Variants in SPACA7 observed in about 807,000 individuals in gnomAD.
SPACA7 encodes sperm acrosome-associated protein 7.
In SPACA7, 19 loss-of-function variants were observed where a neutral mutation model predicts 26.3. The ratio of observed to expected loss-of-function variants is 0.72; its 90% CI spans 0.50 to 1.06. SPACA7 has a LOEUF of 1.06. Among genes scored for constraint, SPACA7 ranks in the 50% least tolerant of loss-of-function variants. The pLI is 0.00. For synonymous variants in SPACA7, 84 were observed against 84.5 expected (o/e 0.99, Z 0.04); for missense variants, 211 against 229.9 (o/e 0.92, Z 0.53).
Position 112,434,482 on chromosome 13 carries a change from C to G in SPACA7, c.524-3C>G. ...AGTCTCAAAATCTCCTCTTTCCACA[C>G]AGGAAACATTTTCCATAAAGAGCAG... is the stretch of plus-strand genomic sequence containing the variant. On this transcript the variant is annotated splice_region_variant and splice_polypyrimidine_tract_variant and intron_variant, in intron 6 of 6. Transcript: ENST00000283550. 2 of 1,608,202 alleles carry G rather than the reference C, an allele frequency of 1.2e-6. No individual in the cohort carries two copies. The highest frequency in any genetic ancestry group is 1.3e-5 in the African/African-American group (1 of 74,898).
chr13:112,407,168 A>G (rs897005221), intron 5 of SPACA7, among the ~76,000 whole-genome samples: 2 of 152,220 alleles, frequency 1.3e-5, no homozygotes, highest in Non-Finnish European at 2.9e-5. Flanking sequence ...TTTGAAACCA[A>G]TGAGAACAAA....
intron 1 of SPACA7, among the ~76,000 whole-genome samples, chr13:112,379,638 C>T (rs1019449782): frequency 2.0e-5 from 3 of 152,134 alleles, no homozygotes; most frequent in African/African-American, 7.2e-5. Flanking sequence ...GAAGGTTAAA[C>T]ATCCCTTATT....
intron 5 of SPACA7, among the ~76,000 whole-genome samples, chr13:112,406,432 T>C (rs540538927): frequency 1.3e-5 from 2 of 152,340 alleles, no homozygotes; most frequent in African/African-American, 2.4e-5. Flanking sequence ...GAATTTTCTC[T>C]CTTTTTAAGG....
chr13:112,434,641 C>A lies in SPACA7; in HGVS notation c.*92C>A. The A allele has an allele frequency of 2.0e-6, 2 of 1,015,988 alleles. No individual in the cohort carries two copies. The highest frequency in any genetic ancestry group is 2.6e-5 in the East Asian group (1 of 38,568). 62.9% of individuals were successfully genotyped at this position (1,015,988 alleles called of 1,614,324 possible). A position where few individuals can be genotyped will look rare whatever the true frequency, so the allele number is the denominator to read the frequency against. On this transcript the variant is annotated 3_prime_UTR_variant, in exon 7 of 7. Transcript: ENST00000283550. ...AACAGGGCACTTGTGTGCACACGCC[C>A]ACGTTCTCTGAACCATTCCACATAA...
intron 2 of SPACA7, among the ~76,000 whole-genome samples, chr13:112,397,025 G>C (rs1321645393): frequency 6.6e-6 from 1 of 152,226 alleles, no homozygotes; most frequent in East Asian, 1.9e-4. Flanking sequence ...GCTGCAGGGG[G>C]CCTCACTGGG....
chr13:112,396,791 G>A (rs929145820), intron 2 of SPACA7, among the ~76,000 whole-genome samples: 11 of 152,244 alleles, frequency 7.2e-5, no homozygotes, highest in East Asian at 5.8e-4. Flanking sequence ...GCTCTGGTCC[G>A]GCAGCTCCGC....
chr13:112,409,285 C>A (rs1246059440), intron 5 of SPACA7, among the ~76,000 whole-genome samples: 1 of 151,230 alleles, frequency 6.6e-6, no homozygotes. Flanking sequence ...TAGGCAATAC[C>A]ATTCAGGACA....
At chr13:112,396,802 A>G (rs1259104489) in intron 2 of SPACA7, among the ~76,000 whole-genome samples, 1 of 152,170 alleles carries the variant, frequency 6.6e-6, no homozygotes, top group African/African-American at 2.4e-5. Flanking sequence ...GCAGCTCCGC[A>G]ATACAAGGCC....
chr13:112,432,128 C>T (rs1339757971), intron 5 of SPACA7, among the ~76,000 whole-genome samples: 1 of 152,204 alleles, frequency 6.6e-6, no homozygotes, highest in African/African-American at 2.4e-5. Flanking sequence ...GCCCTTAGGA[C>T]ACAGAGTGGA....
intron 1 of SPACA7, among the ~76,000 whole-genome samples, chr13:112,384,306 C>T (rs968522043): frequency 6.6e-6 from 1 of 152,006 alleles, no homozygotes; most frequent in Non-Finnish European, 1.5e-5. Context: ...CTGTATCACA[C>T]AGTCATTTAA....
chr13:112,422,167 C>A (rs1401143097), intron 5 of SPACA7, among the ~76,000 whole-genome samples: 1 of 152,080 alleles, frequency 6.6e-6, no homozygotes, highest in East Asian at 1.9e-4. Context: ...ACAAAGTTGA[C>A]TTCAAAACAA....
intron 6 of SPACA7, among the ~76,000 whole-genome samples, chr13:112,433,296 G>C (rs1191945755): frequency 1.0e-4 from 15 of 148,268 alleles, no homozygotes; most frequent in African/African-American, 3.7e-4. Flanking sequence ...CACATGGCTG[G>C]CTTTTCATAG....
At chr13:112,414,972 AG>A (rs1043650709) in intron 5 of SPACA7, among the ~76,000 whole-genome samples, 74 of 152,296 alleles carry the variant, frequency 4.9e-4, no homozygotes, top group African/African-American at 1.8e-3. Flanking sequence ...ATTGATTCAA[AG>A]GAGACTGACT....
In SPACA7 at chr13:112,387,821, C is replaced by T. The variant is rs148102840; in HGVS notation, c.95-5200C>T. 3.4e-3 allele frequency among the ~76,000 whole-genome samples: 512 copies of T among 152,254 alleles called. 1 individual carries two copies. The highest frequency in any genetic ancestry group is 0.012 in the African/African-American group (486 of 41,538). On this transcript the variant is annotated intron_variant, in intron 1 of 6. Transcript: ENST00000283550. ...GCTGCCCAGTGGGCTGCAAGGAGAA[C>T]GGAATTAACATTTTCTATGCCAGCA...
At chr13:112,408,272 G>A (rs927851865) in intron 5 of SPACA7, among the ~76,000 whole-genome samples, 1 of 152,060 alleles carries the variant, frequency 6.6e-6, no homozygotes, top group African/African-American at 2.4e-5. Flanking sequence ...ATACTGAATG[G>A]GCAAAAACTG....
intron 4 of SPACA7, 26 bp downstream of exon 4, chr13:112,399,199 T>C (rs1185586412): frequency 2.5e-6 from 3 of 1,217,888 alleles, no homozygotes; most frequent in Admixed American, 3.4e-5. Context: ...TAATTACCCC[T>C]TCCCAAGTCC....
chr13:112,420,062 C>T (rs1886921693), intron 5 of SPACA7, among the ~76,000 whole-genome samples: 1 of 152,192 alleles, frequency 6.6e-6, no homozygotes, highest in Non-Finnish European at 1.5e-5. Flanking sequence ...GCCAGACCTA[C>T]CTCTGACAAA....
chr13:112,399,066 A>T lies in SPACA7; in HGVS notation c.242A>T (p.His81Leu). 1.3e-6 allele frequency: 2 copies of T among 1,582,120 alleles called. No individual in the cohort carries two copies. The change falls in exon 4 of 7, where the codon CAT becomes CTT. Residue 81 changes from histidine to leucine, a missense_variant and splice_region_variant. Transcript: ENST00000283550. ...TTTTTTTCCATGTTCTTCATTGAAG[A>T]TGCTGGTATTGATGAGAATTATCAA... is the stretch of plus-strand genomic sequence containing the variant. ...STASTLSTPL[H>L]AGIDENYQAG...
chr13:112,379,998 GTAA>G (rs1883941380), intron 1 of SPACA7, among the ~76,000 whole-genome samples: 1 of 152,116 alleles, frequency 6.6e-6, no homozygotes, highest in Non-Finnish European at 1.5e-5. Context: ...GTTTTCTTAA[GTAA>G]TCAAAAACAT....
Sources: allele counts gnomAD v4.1 joint callset (sites outside exome capture counted in the v4.1 genomes callset), GRCh38; gene constraint gnomAD v4.1.1; transcripts MANE v1.5; gene names NCBI Gene and HGNC (gene_info 2026-07-23, HGNC 2026-07-21).